Variants in C1QTNF1 observed in about 807,000 individuals in gnomAD.
C1QTNF1 encodes the protein complement C1q tumor necrosis factor-related protein 1.
Under a neutral mutation model 27.8 loss-of-function variants are expected in C1QTNF1, and 22 were observed. The observed-to-expected ratio is 0.79, with a 90% CI of 0.56 to 1.13. The LOEUF is 1.13. Among genes scored for constraint, C1QTNF1 ranks in the 50% most tolerant of loss-of-function variants. The pLI is 0.00. For synonymous variants in C1QTNF1, 166 were observed against 154.3 expected (o/e 1.08, Z -0.56); for missense variants, 373 against 380.2 (o/e 0.98, Z 0.16).
Position 79,046,669 on chromosome 17 carries a change from C to G in C1QTNF1, c.270C>G (p.Pro90=). 2 of 1,614,222 alleles carry G rather than the reference C, an allele frequency of 1.2e-6. No homozygotes were observed. Among genetic ancestry groups the G allele is most frequent in the Non-Finnish European group, 1.7e-6 (2 of 1,180,042 alleles). The part of the protein sequence containing the change: ...GTSMYPATAV[P]QINITILKGE... ...CCATGTACCCGGCGACCGCCGTGCCCCAGATCAACATCACTATCTTGAAAG... is the reference window on the plus strand; with the variant it reads ...CCATGTACCCGGCGACCGCCGTGCCGCAGATCAACATCACTATCTTGAAAG... The change falls in exon 3 of 4, where the codon CCC becomes CCG. Residue 90 remains proline (P), a synonymous_variant. Transcript: ENST00000579760. This position sits in a 1 kb window ranked among gnomAD's most constrained non-coding sequence, Gnocchi z 4.8.
intron 2 of C1QTNF1, 98 bp downstream of exon 2, chr17:79,044,221 T>C (rs946330806): frequency 3.7e-6 from 5 of 1,339,284 alleles, no homozygotes; most frequent in Non-Finnish European, 5.0e-6. Flanking sequence ...CTGTGAGATG[T>C]GAAGGCAAGA....
chr17:79,025,453 A>G (rs771188907), intron 1 of C1QTNF1, among the ~76,000 whole-genome samples: 3 of 152,148 alleles, frequency 2.0e-5, no homozygotes, highest in Non-Finnish European at 2.9e-5. Flanking sequence ...TTTCTAGGAA[A>G]GGAGGCAACA....
chr17:79,031,186 T>C (rs559134630), intron 1 of C1QTNF1, among the ~76,000 whole-genome samples: 25 of 151,180 alleles, frequency 1.7e-4, no homozygotes, highest in Middle Eastern at 6.9e-3. Context: ...TTTGTATTTT[T>C]AGTAGAGACG....
intron 3 of C1QTNF1, chr17:79,047,138 G>A (rs188382302): frequency 2.8e-4 from 68 of 246,882 alleles, no homozygotes; most frequent in Non-Finnish European, 1.7e-4. Context: ...AGCTGGCCCC[G>A]ACATCTGGAG....
At chr17:79,025,187 C>T (rs1426689206) in intron 1 of C1QTNF1, 1 of 152,450 alleles carries the variant, frequency 6.6e-6, no homozygotes, top group Non-Finnish European at 1.5e-5. Context: ...GGCTTCTGGA[C>T]CTCGCAGGTG....
chr17:79,030,852 C>T (rs929000032), intron 1 of C1QTNF1, among the ~76,000 whole-genome samples: 8 of 152,042 alleles, frequency 5.3e-5, no homozygotes, highest in Admixed American at 1.3e-4. Context: ...CCGCCTGCCT[C>T]GGCCTCCCAG....
intron 3 of C1QTNF1, 142 bp from the exon 4 acceptor site, chr17:79,047,396 T>TGGGGGCA: frequency 1.3e-6 from 1 of 798,752 alleles, no homozygotes. Flanking sequence ...GGCAGGGGGC[T>TGGGGGCA]GGGGGCAGGA....
chr17:79,040,484 GGGA>G (rs2072375276), intron 1 of C1QTNF1, among the ~76,000 whole-genome samples: 4 of 152,044 alleles, frequency 2.6e-5, no homozygotes, highest in Non-Finnish European at 5.9e-5. Context: ...TGAGGGGCCT[GGGA>G]AGGCTTCAGG....
At chr17:79,043,040 ATGTG>A (rs777107786) in intron 1 of C1QTNF1, among the ~76,000 whole-genome samples, 2 of 148,970 alleles carry the variant, frequency 1.3e-5, no homozygotes, top group Non-Finnish European at 3.0e-5. Context: ...ATGTATATGA[ATGTG>A]TGTGCATGTG....
At position 79,047,804 on chromosome 17, in the gene C1QTNF1, T is replaced by C; in HGVS notation, c.562T>C (p.Tyr188His). 1 of 1,614,218 alleles carries C rather than the reference T, an allele frequency of 6.2e-7. No individual in the cohort carries two copies. Among genetic ancestry groups the C allele is most frequent in the South Asian group, 1.1e-5 (1 of 91,086 alleles). The change falls in exon 4 of 4, where the codon TAC becomes CAC. Residue 188 changes from tyrosine to histidine, a missense_variant. Coordinates refer to ENST00000579760, the MANE Select transcript of C1QTNF1 (RefSeq NM_030968.5). ...FNMFTGKFYC[Y>H]VPGLYFFSLN... The stretch of plus-strand genomic sequence containing the variant: ...CATGTTCACCGGCAAGTTCTACTGC[T>C]ACGTGCCCGGCCTCTACTTCTTCAG...
Position 79,048,118 on chromosome 17 carries a change from C to T in C1QTNF1, c.*30C>T, listed in dbSNP as rs1460854735. On this transcript the variant is annotated 3_prime_UTR_variant, in exon 4 of 4. Transcript: ENST00000579760. ...CCGGCCACCTCCTTTCCTCTCGCCA[C>T]CTTCCACCCCTGCGCTGTGCTGACC... 2.0e-6 allele frequency: 3 copies of T among 1,519,136 alleles called. No individual in the cohort carries two copies. The highest frequency in any genetic ancestry group is 2.6e-5 in the South Asian group (2 of 78,088). The allele number at this position is 1,519,136 out of a possible 1,614,324, so 94.1% of individuals were successfully genotyped here. A position where few individuals can be genotyped will look rare whatever the true frequency, so the allele number is the denominator to read the frequency against.
chr17:79,034,906 T>C (rs757738787), intron 1 of C1QTNF1, among the ~76,000 whole-genome samples: 8 of 152,050 alleles, frequency 5.3e-5, no homozygotes, highest in South Asian at 2.1e-4. Context: ...ATTCCTTCCA[T>C]AAGGGACCCC....
chr17:79,026,150 C>T (rs888494823), intron 1 of C1QTNF1, among the ~76,000 whole-genome samples: 3 of 151,678 alleles, frequency 2.0e-5, no homozygotes, highest in African/African-American at 2.4e-5. Context: ...ATCCCAAGTG[C>T]GTCATATGCT....
At chr17:79,033,535 A>C (rs1421852654) in intron 1 of C1QTNF1, among the ~76,000 whole-genome samples, 1 of 151,958 alleles carries the variant, frequency 6.6e-6, no homozygotes, top group Non-Finnish European at 1.5e-5. Flanking sequence ...TGTCTCTAAA[A>C]AAAAAAAATT....
At chr17:79,031,859 C>T (rs1056826177) in intron 1 of C1QTNF1, among the ~76,000 whole-genome samples, 5 of 152,174 alleles carry the variant, frequency 3.3e-5, no homozygotes, top group African/African-American at 9.7e-5. Flanking sequence ...ATAAGAGGAG[C>T]GTTTCTAGGG....
chr17:79,033,255 C>T (rs540192878), intron 1 of C1QTNF1, among the ~76,000 whole-genome samples: 6 of 152,064 alleles, frequency 3.9e-5, no homozygotes, highest in South Asian at 4.2e-4. Flanking sequence ...GCTCCTTGGC[C>T]GAGAACTGGA....
intron 2 of C1QTNF1, among the ~76,000 whole-genome samples, chr17:79,044,360 A>T (rs1321867214): frequency 6.6e-6 from 1 of 152,184 alleles, no homozygotes; most frequent in Non-Finnish European, 1.5e-5. Context: ...ACGAGCCTAA[A>T]GGAGTGGGGT....
rs2072588474 is a variant in C1QTNF1, at chr17:79,046,836, T to C, written c.295+142T>C. Reference sequence around the variant, plus strand: ...GGGAGCAGAGGCAGGCAGGCTGTCATCTAGAGGGGAAGGCACAGGAAATTC... The same window carrying C: ...GGGAGCAGAGGCAGGCAGGCTGTCACCTAGAGGGGAAGGCACAGGAAATTC... On this transcript the variant is annotated intron_variant, in intron 3 of 3. Transcript: ENST00000579760. The surrounding 1 kb of genome is among the most constrained non-coding windows in gnomAD (Gnocchi z 4.8). 1 of 1,112,364 alleles carries C rather than the reference T, an allele frequency of 9.0e-7. No individual in the cohort carries two copies. The highest frequency in any genetic ancestry group is 1.6e-5 in the South Asian group (1 of 63,506). The allele number at this position is 1,112,364 out of a possible 1,614,324, so 68.9% of individuals were successfully genotyped here.
chr17:79,042,739 C>T lies in C1QTNF1; in HGVS notation c.-14-1216C>T, dbSNP rs907575927. On this transcript the variant is annotated intron_variant, in intron 1 of 3. Coordinates refer to ENST00000579760, the MANE Select transcript of C1QTNF1 (RefSeq NM_030968.5). ...CCAGCGGCTGATGGACTCTCCTTCC[C>T]GAGAGGCTGGGTGGGCAGAGACAGC... Among the ~76,000 whole-genome samples the T allele has an allele frequency of 7.2e-5, 11 of 152,312 alleles. No homozygotes were observed. The South Asian group carries it at 1.7e-3, about 23-fold the overall frequency.
Sources: gnomAD v4.1 joint callset for allele counts (sites outside exome capture counted in the v4.1 genomes callset) on GRCh38, gnomAD v4.1.1 for gene constraint, Gnocchi (gnomAD v3.1) non-coding constraint, MANE v1.5 for transcripts, NCBI Gene and HGNC (gene_info 2026-07-23, HGNC 2026-07-21) for gene names.